LAMA5: variants seen among roughly 807,000 people sequenced by gnomAD.
LAMA5 encodes the protein laminin subunit alpha 5.
A neutral mutation model predicts 433.4 loss-of-function variants in LAMA5; 260 were observed. That is an observed-to-expected ratio of 0.60 (90% confidence interval 0.54 to 0.66). The LOEUF (loss-of-function observed/expected upper bound fraction) is 0.66. Ranked by LOEUF, LAMA5 falls within the 30% of genes least tolerant of loss-of-function variation. LAMA5 has a pLI of 0.00. For synonymous variants in LAMA5, 2,620 were observed against 2,226.6 expected (o/e 1.18, Z -4.97); for missense variants, 5,378 against 5,258.5 (o/e 1.02, Z -0.70).
Position 62,311,423 on chromosome 20 carries a change from C to A in LAMA5, c.9920G>T (p.Gly3307Val), listed in dbSNP as rs753814068. 153 of 1,586,396 alleles carry A rather than the reference C, an allele frequency of 9.6e-5. No individual in the cohort carries two copies. The South Asian group carries it at 1.6e-3, about 17-fold the overall frequency. The change falls in exon 72 of 80, where the codon GGA (glycine) becomes GTA (valine). Residue 3307 changes from glycine to valine, a missense_variant. Gly to Val is a moderately radical substitution (Grantham distance 109, BLOSUM62 -3). Transcript: ENST00000252999. ...CACCTTCCGGGCGGTGGCCTGCAGTCCTCTAGGCCCCAGGCCCGGGGTCTG... is the reference window on the plus strand; with the variant it reads ...CACCTTCCGGGCGGTGGCCTGCAGTACTCTAGGCCCCAGGCCCGGGGTCTG... ...QAQTPGLGPR[G>V]LQATARKASR... is the part of the protein sequence containing the mutation.
At chr20:62,347,370 G>A (rs1983558376) in intron 6 of LAMA5, among the ~76,000 whole-genome samples, 1 of 152,142 alleles carries the variant, frequency 6.6e-6, no homozygotes, top group African/African-American at 2.4e-5. Context: ...GGGGTCAGTA[G>A]AGTCCCCCTT....
At chr20:62,326,036 C>T (rs1979224254) in intron 40 of LAMA5, among the ~76,000 whole-genome samples, 1 of 152,008 alleles carries the variant, frequency 6.6e-6, no homozygotes, top group African/African-American at 2.4e-5. Context: ...GCCTGGCCAA[C>T]ACGGCGAAAC....
intron 6 of LAMA5, among the ~76,000 whole-genome samples, chr20:62,348,082 G>A: frequency 6.6e-6 from 1 of 152,200 alleles, no homozygotes; most frequent in East Asian, 1.9e-4. Context: ...ACATAGTCAA[G>A]AAATTGATAG....
At chr20:62,333,001 T>G in intron 26 of LAMA5, 89 bp downstream of exon 26, 1 of 1,356,054 alleles carries the variant, frequency 7.4e-7, no homozygotes, top group Non-Finnish European at 9.7e-7. Context: ...AGCGCCCTGC[T>G]CCTATAACCT....
At chr20:62,322,496 C>G in intron 46 of LAMA5, 47 bp from the exon 47 acceptor site, 1 of 1,534,658 alleles carries the variant, frequency 6.5e-7, no homozygotes, top group Non-Finnish European at 8.8e-7. Flanking sequence ...CAAGACTGTC[C>G]CAGACCAACC....
In LAMA5 at chr20:62,324,469, C is replaced by T. The variant is rs141042281; in HGVS notation, c.5615G>A (p.Arg1872His). 3.0e-5 allele frequency: 49 copies of T among 1,612,146 alleles called. No individual in the cohort carries two copies. In the Middle Eastern group the frequency reaches 5.0e-4, roughly 16 times the overall value. ...VPCQCHGHSD[R>H]CLPGSGVCVD... The stretch of plus-strand genomic sequence containing the variant: ...ACAGACGCCAGAGCCAGGGAGGCAG[C>T]GGTCTGAGTGTCCATGGCACTGACA... The change falls in exon 42 of 80, where the codon CGC (arginine) becomes CAC (histidine). Residue 1872 changes from arginine (R) to histidine (H), a missense_variant. Coordinates refer to ENST00000252999, the MANE Select transcript of LAMA5 (RefSeq NM_005560.6). The surrounding 1 kb of genome is among the most constrained non-coding windows in gnomAD (Gnocchi z 4.4).
rs1396312500 is a variant in LAMA5 at position 62,333,961 on chromosome 20, T to C, written c.2818A>G (p.Met940Val). 1.6e-5 allele frequency: 25 copies of C among 1,612,714 alleles called. No individual in the cohort carries two copies. The highest frequency in any genetic ancestry group is 1.8e-5 in the Non-Finnish European group (21 of 1,179,806). Reference sequence around the variant, plus strand: ...ACAGAGACCCGCCCGCTCACACTCATGGCCCCCCGGTTGACGTATCGGAAG... The same window carrying C: ...ACAGAGACCCGCCCGCTCACACTCACGGCCCCCCGGTTGACGTATCGGAAG... Reference protein sequence around the residue: ...LVFRYVNRGAMSVSGRVSVRE... With the variant: ...LVFRYVNRGAVSVSGRVSVRE... Residue 940 changes from methionine (M) to valine (V), a missense_variant, in exon 23 of 80, where the codon ATG becomes GTG. Physicochemically the swap from Met to Val is conservative, Grantham distance 21. Coordinates refer to ENST00000252999, the MANE Select transcript of LAMA5 (RefSeq NM_005560.6).
intron 11 of LAMA5, among the ~76,000 whole-genome samples, chr20:62,344,440 G>A (rs1452345816): frequency 6.6e-6 from 1 of 152,062 alleles, no homozygotes; most frequent in African/African-American, 2.4e-5. Context: ...GGCTGTGACT[G>A]TATGCTGGGA....
chr20:62,366,996 G>A lies in LAMA5; in HGVS notation c.250C>T (p.Leu84=). 6 of 1,280,272 alleles carry A rather than the reference G, an allele frequency of 4.7e-6. No individual in the cohort carries two copies. Among genetic ancestry groups the A allele is most frequent in the Non-Finnish European group, 4.9e-6 (5 of 1,014,182 alleles). 79.3% of individuals were successfully genotyped at this position (1,280,272 alleles called of 1,614,324 possible). ...PRPTEDLYCK[L]VGGPVAGGDP... is the part of the protein sequence containing the mutation. ...CCGCCGGCCACGGGGCCCCCTACCA[G>A]CTTGCAGTAAAGGTCCTCGGTGGGG... The change falls in exon 1 of 80, where the codon CTG becomes TTG. Residue 84 remains leucine (L), a synonymous_variant. Transcript: ENST00000252999.
chr20:62,335,021 T>A lies in LAMA5; in HGVS notation c.2482A>T (p.Ser828Cys). The A allele has an allele frequency of 6.2e-7, 1 of 1,612,408 alleles. No homozygotes were observed. The highest frequency in any genetic ancestry group is 8.5e-7 in the Non-Finnish European group (1 of 1,179,442). The change falls in exon 20 of 80, where the codon AGC becomes TGC. Residue 828 changes from serine to cysteine, a missense_variant and splice_region_variant. By Grantham distance (112) the Ser-to-Cys change is moderately radical. Transcript: ENST00000252999. ...LDQADYFGCR[S>C]CRCDIGGALG... ...CTGGGACGAGCGAGTGGGCACTCAC[T>A]GCGGCAGCCAAAATAGTCAGCCTGA...
rs934070652 is a variant in LAMA5 at position 62,311,763 on chromosome 20, G to A, written c.9657C>T (p.Asp3219=). The A allele has an allele frequency of 2.8e-5, 43 of 1,561,080 alleles. No individual in the cohort carries two copies. The highest frequency in any genetic ancestry group is 3.6e-5 in the Non-Finnish European group (41 of 1,154,424). Residue 3219 remains aspartate, a synonymous_variant, in exon 71 of 80, where the codon GAC becomes GAT. Transcript: ENST00000252999. ...GGTGGGGCTTCATCTGCTGGAGCTG[G>A]TCATCGACATACAGCCAGACTCTGG... The part of the protein sequence containing the change: ...NATGVWLYVD[D]QLQQMKPHRG...
Position 62,331,042 on chromosome 20 carries a change from CA to C in LAMA5, c.3639del (p.Phe1213LeufsTer27). 1 of 1,598,708 alleles carries C rather than the reference CA, an allele frequency of 6.3e-7. No homozygotes were observed. The highest frequency in any genetic ancestry group is 8.5e-7 in the Non-Finnish European group (1 of 1,173,556). ...RVSCISSHGA[F>X]GPNSAACLPS... The stretch of plus-strand genomic sequence containing the variant: ...ATTACCTGCCATTACCTGTTGGGGC[CA>C]AAGGCGCCGTGGCTGCTGATGCAGC... On this transcript the variant is annotated frameshift_variant, in exon 29 of 80. Coordinates refer to ENST00000252999, the MANE Select transcript of LAMA5 (RefSeq NM_005560.6). LOFTEE classifies it high-confidence loss of function.
chr20:62,325,906 T>C (rs1206948209), intron 40 of LAMA5, among the ~76,000 whole-genome samples: 2 of 152,166 alleles, frequency 1.3e-5, no homozygotes, highest in Admixed American at 1.3e-4. Context: ...TCAAGTACAT[T>C]AACTATAAGG....
chr20:62,337,476 G>C, intron 16 of LAMA5, 114 bp downstream of exon 16: 1 of 1,400,546 alleles, frequency 7.1e-7, no homozygotes, highest in Non-Finnish European at 9.8e-7. Context: ...CGCAGTCGCA[G>C]TACACACAGC....
intron 11 of LAMA5, chr20:62,345,596 AGG>A (rs1318027816): frequency 1.5e-6 from 1 of 668,940 alleles, no homozygotes; most frequent in East Asian, 2.8e-5. Context: ...CTGTAGAGAC[AGG>A]GTTTTACCAT....
At chr20:62,334,745 T>G in intron 20 of LAMA5, 124 bp from the exon 21 acceptor site, 1 of 671,438 alleles carries the variant, frequency 1.5e-6, no homozygotes, top group Non-Finnish European at 2.3e-6. Context: ...GGCTCAGGGC[T>G]CAGGGCTCAG....
intron 2 of LAMA5, among the ~76,000 whole-genome samples, chr20:62,356,923 C>T (rs1238715309): frequency 6.6e-6 from 1 of 152,240 alleles, no homozygotes; most frequent in African/African-American, 2.4e-5. Context: ...GCCCCACTCA[C>T]TGGCGCTCCG....
chr20:62,335,138 G>GGGAGGAGGTGAAGTGGGGC lies in LAMA5; in HGVS notation c.2377-31_2377-13dup. ...CACTGGCCGGTGCCCTGGGGGCCAA[G>GGGAGGAGGTGAAGTGGGGC]GGAGGAGGTGAAGTGGGGCAGGGGA... is the stretch of plus-strand genomic sequence containing the variant. On this transcript the variant is annotated splice_polypyrimidine_tract_variant and intron_variant, in intron 19 of 79. Coordinates refer to ENST00000252999, the MANE Select transcript of LAMA5 (RefSeq NM_005560.6). 1 of 1,612,790 alleles carries GGGAGGAGGTGAAGTGGGGC rather than the reference G, an allele frequency of 6.2e-7. No homozygotes were observed. Among genetic ancestry groups the GGGAGGAGGTGAAGTGGGGC allele is most frequent in the Non-Finnish European group, 8.5e-7 (1 of 1,179,594 alleles).
chr20:62,313,778 G>A lies in LAMA5; in HGVS notation c.8529C>T (p.Ser2843=), dbSNP rs201017683. 32 of 1,612,674 alleles carry A rather than the reference G, an allele frequency of 2.0e-5. No individual in the cohort carries two copies. Among genetic ancestry groups the A allele is most frequent in the East Asian group, 1.8e-4 (8 of 44,880 alleles). ...GGATCATCTGTCTCTCCACTGTGAC[G>A]GACATGTGGCCAAACTGGAGAGTCC... ...LDRTLQFGHM[S]VTVERQMIQE... Residue 2843 remains serine (S), a synonymous_variant, in exon 63 of 80, where the codon TCC becomes TCT. Coordinates refer to ENST00000252999, the MANE Select transcript of LAMA5 (RefSeq NM_005560.6).
Sources: gnomAD v4.1 joint callset for allele counts (sites outside exome capture counted in the v4.1 genomes callset) on GRCh38, gnomAD v4.1.1 for gene constraint, Gnocchi (gnomAD v3.1) non-coding constraint, MANE v1.5 for transcripts, NCBI Gene and HGNC (gene_info 2026-07-23, HGNC 2026-07-21) for gene names.